Variants in ACBD6 observed in about 807,000 individuals in gnomAD.
ACBD6 encodes the protein acyl-CoA-binding domain-containing protein 6.
ACBD6 carries 28 observed loss-of-function variants against 37.2 expected under a neutral mutation model. The observed-to-expected ratio is 0.75, with a 90% CI of 0.56 to 1.03. The LOEUF is 1.03. Among genes scored for constraint, ACBD6 ranks in the 50% least tolerant of loss-of-function variants. The pLI is 0.00. For missense variants in ACBD6, 340 were observed against 337.4 expected (o/e 1.01, Z -0.06); for synonymous variants, 113 against 126.8 (o/e 0.89, Z 0.73).
chr1:180,472,957 T>C (rs181610382), intron 3 of ACBD6, among the ~76,000 whole-genome samples: 13 of 152,196 alleles, frequency 8.5e-5, no homozygotes, highest in Middle Eastern at 6.8e-3. Context: ...CTTGGAAGTA[T>C]AGGAATCTAG....
chr1:180,402,146 CT>C (rs1191006173), intron 5 of ACBD6, among the ~76,000 whole-genome samples: 4 of 152,168 alleles, frequency 2.6e-5, no homozygotes, highest in African/African-American at 9.7e-5. Context: ...TCTGTACTAT[CT>C]TCTACCTTTT....
Position 180,492,288 on chromosome 1 carries a change from T to A in ACBD6, c.365A>T (p.Asp122Val). 1 of 1,614,010 alleles carries A rather than the reference T, an allele frequency of 6.2e-7. No individual in the cohort carries two copies. Among genetic ancestry groups the A allele is most frequent in the South Asian group, 1.1e-5 (1 of 91,082 alleles). ...TCTTACCTGAGGATTCCAACCTGGA[T>A]CTAGTTTTTTAACTACTGCGATATA... ...QEYIAVVKKL[D>V]PGWNPQIPEK... The change falls in exon 3 of 8, where the codon GAT (aspartate) becomes GTT (valine). Residue 122 changes from aspartate to valine, a missense_variant. By Grantham distance (152) the Asp-to-Val change is radical. Coordinates refer to ENST00000367595, the MANE Select transcript of ACBD6 (RefSeq NM_032360.4).
intron 5 of ACBD6, among the ~76,000 whole-genome samples, chr1:180,399,821 C>A (rs763546709): frequency 1.3e-5 from 2 of 152,094 alleles, no homozygotes; most frequent in Non-Finnish European, 2.9e-5. Context: ...AAGAATCAGA[C>A]AAAATTTCAA....
intron 6 of ACBD6, among the ~76,000 whole-genome samples, chr1:180,367,029 G>A (rs1173177353): frequency 6.6e-6 from 1 of 152,176 alleles, no homozygotes; most frequent in African/African-American, 2.4e-5. Context: ...TTCCTCAACT[G>A]TAAAATGAAG....
chr1:180,459,681 GAAGAT>G (rs995043835), intron 3 of ACBD6, among the ~76,000 whole-genome samples: 16 of 152,126 alleles, frequency 1.1e-4, no homozygotes, highest in African/African-American at 2.9e-4. Context: ...CAAATTCCAT[GAAGAT>G]AAGAAAAAAT....
At chr1:180,446,858 T>C (rs1445169265) in intron 3 of ACBD6, among the ~76,000 whole-genome samples, 1 of 152,100 alleles carries the variant, frequency 6.6e-6, no homozygotes, top group Non-Finnish European at 1.5e-5. Context: ...CTGGCCAACA[T>C]GGTAAAACCC....
chr1:180,345,355 C>T (rs1652139639), intron 6 of ACBD6, among the ~76,000 whole-genome samples: 1 of 152,094 alleles, frequency 6.6e-6, no homozygotes, highest in Non-Finnish European at 1.5e-5. Flanking sequence ...GTTAGGCCCA[C>T]AAAACAGTTC....
chr1:180,350,589 C>A (rs1422537636), intron 6 of ACBD6, among the ~76,000 whole-genome samples: 2 of 152,028 alleles, frequency 1.3e-5, no homozygotes, highest in African/African-American at 4.8e-5. Flanking sequence ...TAAAACACAC[C>A]CACACTCACC....
Position 180,328,250 on chromosome 1 carries a change from CATAT to C in ACBD6, c.664-13532_664-13529del, listed in dbSNP as rs59598953. On this transcript the variant is annotated intron_variant, in intron 6 of 7. Coordinates refer to ENST00000367595, the MANE Select transcript of ACBD6 (RefSeq NM_032360.4). ...ATATACACACATATATGTATATATA[CATAT>C]ATATGTATATTCCTGTACAGGTGTG... Among the ~76,000 whole-genome samples, 1,004 of 150,620 alleles carry C rather than the reference CATAT, an allele frequency of 6.7e-3. 17 individuals are homozygous for C. The highest frequency in any genetic ancestry group is 0.024 in the African/African-American group (958 of 40,340).
intron 2 of ACBD6, among the ~76,000 whole-genome samples, chr1:180,494,051 C>T (rs192009640): frequency 5.3e-5 from 8 of 152,234 alleles, no homozygotes; most frequent in East Asian, 1.9e-4. Context: ...GGTTTGGTAA[C>T]GGCAGTAACT....
rs549716740 is a variant in ACBD6, at chr1:180,421,271, G to GT, written c.468-7801dup. ...TACAAGTGAGAACATGTGGTGTTTG[G>GT]TTTTCTCTTCCTGTGTTAGTTTACT... is the stretch of plus-strand genomic sequence containing the variant. On this transcript the variant is annotated intron_variant, in intron 4 of 7. Coordinates refer to ENST00000367595, the MANE Select transcript of ACBD6 (RefSeq NM_032360.4). 1.2e-4 allele frequency among the ~76,000 whole-genome samples: 19 copies of GT among 152,182 alleles called. No homozygotes were observed. In the East Asian group the frequency reaches 1.4e-3, roughly 11 times the overall value.
intron 3 of ACBD6, among the ~76,000 whole-genome samples, chr1:180,452,159 T>C (rs1019803424): frequency 1.3e-5 from 2 of 152,222 alleles, no homozygotes; most frequent in East Asian, 3.9e-4. Flanking sequence ...GGGTAAGATC[T>C]AAAATCGACA....
At chr1:180,308,577 GTCT>G (rs1650475389) in intron 7 of ACBD6, among the ~76,000 whole-genome samples, 1 of 152,162 alleles carries the variant, frequency 6.6e-6, no homozygotes. Context: ...AAGCTTCTTT[GTCT>G]TCTTTTTACC....
At chr1:180,345,813 C>T (rs995549248) in intron 6 of ACBD6, among the ~76,000 whole-genome samples, 3 of 151,906 alleles carry the variant, frequency 2.0e-5, no homozygotes, top group Admixed American at 2.0e-4. Context: ...AAAAACCTAC[C>T]ACAATGTAAA....
In ACBD6 at chr1:180,477,978, T is replaced by TAAAAAAAAAAAAA. The variant is rs58326495; in HGVS notation, c.384+14290_384+14291insTTTTTTTTTTTTT. On this transcript the variant is annotated intron_variant, in intron 3 of 7. Coordinates refer to ENST00000367595, the MANE Select transcript of ACBD6 (RefSeq NM_032360.4). ...GCAACATAGTGAGACTCCATCTCTT[T>TAAAAAAAAAAAAA]AAAAAAAAAAAATTCTTTTGCAAAA... 2.4e-4 allele frequency among the ~76,000 whole-genome samples: 35 copies of TAAAAAAAAAAAAA among 145,106 alleles called. 1 individual carries two copies. The highest frequency in any genetic ancestry group is 3.9e-4 in the Non-Finnish European group (26 of 66,034).
chr1:180,388,214 TCAC>T (rs1553301404), intron 6 of ACBD6, among the ~76,000 whole-genome samples: 1 of 150,448 alleles, frequency 6.6e-6, no homozygotes, highest in African/African-American at 2.4e-5. Flanking sequence ...CCCAGAGAAA[TCAC>T]CACAGGGTCA....
chr1:180,496,345 T>C (rs569783015), intron 1 of ACBD6, among the ~76,000 whole-genome samples: 1 of 152,204 alleles, frequency 6.6e-6, no homozygotes, highest in Non-Finnish European at 1.5e-5. Context: ...TTTTCTACCA[T>C]GTGTTTAGAA....
intron 10 of ACBD6, chr1:180,274,435 T>C: frequency 1.2e-6 from 2 of 1,614,196 alleles, no homozygotes; most frequent in Non-Finnish European, 1.7e-6. Context: ...TCATTGCGCA[T>C]GCAGGGCAGG....
chr1:180,284,698 A>G (rs1197757642), downstream of ACBD6, among the ~76,000 whole-genome samples: 2 of 152,178 alleles, frequency 1.3e-5, no homozygotes, highest in Non-Finnish European at 2.9e-5. Flanking sequence ...GTATAAAACG[A>G]AAGCTCAATG....
Sources: gnomAD v4.1 joint callset for allele counts (sites outside exome capture counted in the v4.1 genomes callset) on GRCh38, gnomAD v4.1.1 for gene constraint, MANE v1.5 for transcripts, NCBI Gene and HGNC (gene_info 2026-07-23, HGNC 2026-07-21) for gene names.